The following EPHA6 variants were observed in gnomAD, a reference collection of about 807,000 sequenced individuals.
The protein encoded by EPHA6 is EPH receptor A6, also known as ephrin type-A receptor 6.
A neutral mutation model predicts 112.0 loss-of-function variants in EPHA6; 50 were observed. The ratio of observed to expected loss-of-function variants is 0.45; its 90% CI spans 0.36 to 0.56. EPHA6 has a LOEUF of 0.56. Among genes scored for constraint, EPHA6 ranks in the 20% least tolerant of loss-of-function variants. The pLI is 0.00. For synonymous variants in EPHA6, 529 were observed against 490.7 expected (o/e 1.08, Z -1.03); for missense variants, 1,280 against 1,417.4 (o/e 0.90, Z 1.56).
At chr3:97,090,754 A>T (rs1222087212) in intron 3 of EPHA6, among the ~76,000 whole-genome samples, 1 of 152,112 alleles carries the variant, frequency 6.6e-6, no homozygotes, top group African/African-American at 2.4e-5. Context: ...ATTGGGATTT[A>T]TAATGGACTC....
At chr3:97,121,338 G>C (rs893325255) in intron 3 of EPHA6, among the ~76,000 whole-genome samples, 1 of 151,964 alleles carries the variant, frequency 6.6e-6, no homozygotes, top group Non-Finnish European at 1.5e-5. Flanking sequence ...CTAAAATGAC[G>C]CTAGAAATAT....
At chr3:97,521,522 G>T (rs2092542485) in intron 10 of EPHA6, among the ~76,000 whole-genome samples, 1 of 152,138 alleles carries the variant, frequency 6.6e-6, no homozygotes, top group Non-Finnish European at 1.5e-5. Flanking sequence ...AGCCAAAAGG[G>T]AAGCCTCTTG....
At chr3:97,272,541 C>A (rs539784910) in intron 5 of EPHA6, among the ~76,000 whole-genome samples, 2 of 151,874 alleles carry the variant, frequency 1.3e-5, no homozygotes, top group East Asian at 3.9e-4. Context: ...TGGGTGCAGG[C>A]GGGCTGAGTC....
At chr3:97,633,581 A>G (rs1251767508) in intron 13 of EPHA6, among the ~76,000 whole-genome samples, 2 of 152,134 alleles carry the variant, frequency 1.3e-5, no homozygotes, top group East Asian at 3.9e-4. Flanking sequence ...ATGCTGTAAT[A>G]GAACTGCTAC....
At chr3:97,691,714 CTTAT>C (rs2032678022) in intron 14 of EPHA6, among the ~76,000 whole-genome samples, 1 of 152,152 alleles carries the variant, frequency 6.6e-6, no homozygotes, top group Admixed American at 6.5e-5. Flanking sequence ...CATATAGCAA[CTTAT>C]TTATCTGATT....
chr3:97,236,356 G>T (rs1014342556), intron 4 of EPHA6, among the ~76,000 whole-genome samples: 1 of 151,860 alleles, frequency 6.6e-6, no homozygotes, highest in African/African-American at 2.4e-5. Flanking sequence ...ATAGGTGGGT[G>T]AGTGAGAGGT....
At chr3:97,239,643 T>A (rs543178494) in intron 4 of EPHA6, among the ~76,000 whole-genome samples, 1 of 151,914 alleles carries the variant, frequency 6.6e-6, no homozygotes, top group East Asian at 1.9e-4. Context: ...ATGATGAAGG[T>A]CTTTGCCCTC....
intron 2 of EPHA6, among the ~76,000 whole-genome samples, chr3:96,888,058 C>T (rs901660497): frequency 2.6e-5 from 4 of 152,168 alleles, no homozygotes; most frequent in African/African-American, 9.7e-5. Flanking sequence ...CTTCCCCCAC[C>T]TGTGGAGTCT....
At chr3:97,518,742 A>G (rs78778129) in intron 10 of EPHA6, among the ~76,000 whole-genome samples, 156 of 152,224 alleles carry the variant, frequency 1.0e-3, no homozygotes, top group Non-Finnish European at 1.9e-3. Context: ...AGTGACATTG[A>G]GCAATTTTTC....
chr3:97,743,460 A>G (rs1331668697), intron 16 of EPHA6, among the ~76,000 whole-genome samples: 2 of 152,172 alleles, frequency 1.3e-5, no homozygotes, highest in Admixed American at 1.3e-4. Context: ...ACATGCTGTA[A>G]GACTACATAC....
intron 11 of EPHA6, among the ~76,000 whole-genome samples, chr3:97,563,443 C>T (rs1350114522): frequency 2.0e-5 from 3 of 152,114 alleles, no homozygotes; most frequent in African/African-American, 7.2e-5. Flanking sequence ...AAGATAAGGT[C>T]AGAGACGTAA....
chr3:97,052,347 A>G (rs1238579258), intron 3 of EPHA6, among the ~76,000 whole-genome samples: 2 of 152,114 alleles, frequency 1.3e-5, no homozygotes, highest in East Asian at 3.9e-4. Context: ...ACTTCCCTAC[A>G]GGAATTTTTC....
intron 13 of EPHA6, 91 bp from the exon 14 acceptor site, chr3:97,637,782 C>G (rs1017344957): frequency 1.1e-6 from 1 of 906,074 alleles, no homozygotes; most frequent in Non-Finnish European, 1.7e-6. Flanking sequence ...TCATTTGATC[C>G]AATAAAATAA....
At chr3:96,933,756 G>A (rs1576082087) in intron 2 of EPHA6, among the ~76,000 whole-genome samples, 1 of 152,054 alleles carries the variant, frequency 6.6e-6, no homozygotes, top group African/African-American at 2.4e-5. Context: ...AAATTTTAAA[G>A]TGAAATAGGA....
At chr3:96,988,383 C>T (rs77022121) in intron 3 of EPHA6, among the ~76,000 whole-genome samples, 2,117 of 152,034 alleles carry the variant, frequency 0.014, 57 homozygotes, top group African/African-American at 0.048. Context: ...TTGCTGTATC[C>T]GCCTAATTTT....
At chr3:97,143,075 A>G (rs925992917) in intron 3 of EPHA6, among the ~76,000 whole-genome samples, 6 of 151,820 alleles carry the variant, frequency 4.0e-5, no homozygotes, top group Admixed American at 1.3e-4. Context: ...AAATGACTTC[A>G]GTATCAATAT....
chr3:97,140,168 A>T (rs1264277664), intron 3 of EPHA6, among the ~76,000 whole-genome samples: 7 of 151,914 alleles, frequency 4.6e-5, no homozygotes, highest in South Asian at 2.1e-4. Context: ...AAATATATTT[A>T]AAAAAAATAA....
rs559113552 is a variant in EPHA6, at chr3:97,516,284, AT to A, written c.2201-16073del. On this transcript the variant is annotated intron_variant, in intron 10 of 17. Coordinates refer to ENST00000389672, the MANE Select transcript of EPHA6 (RefSeq NM_001080448.3). ...AGAAATGGAAGCCCTAACTTCTAAGATCGTGTCCTGACAAATGCGTTGGTCT... is the reference window on the plus strand; with the variant it reads ...AGAAATGGAAGCCCTAACTTCTAAGACGTGTCCTGACAAATGCGTTGGTCT... Among the ~76,000 whole-genome samples the A allele has an allele frequency of 2.7e-4, 41 of 152,302 alleles. No individual in the cohort carries two copies. In the East Asian group the frequency reaches 7.9e-3, roughly 29 times the overall value.
chr3:97,680,946 A>G (rs1248750636), intron 14 of EPHA6, among the ~76,000 whole-genome samples: 1 of 152,162 alleles, frequency 6.6e-6, no homozygotes. Context: ...CTGCTCTATC[A>G]CACACAAGCA....
Sources: allele counts gnomAD v4.1 joint callset (sites outside exome capture counted in the v4.1 genomes callset), GRCh38; gene constraint gnomAD v4.1.1; transcripts MANE v1.5; gene names NCBI Gene and HGNC (gene_info 2026-07-23, HGNC 2026-07-21).